The following KCNQ5 variants were observed in gnomAD, a reference collection of about 807,000 sequenced individuals.
The protein encoded by KCNQ5 is potassium voltage-gated channel subfamily Q member 5.
Under a neutral mutation model 98.2 loss-of-function variants are expected in KCNQ5, and 30 were observed. That is an observed-to-expected ratio of 0.31 (90% confidence interval 0.23 to 0.41). The LOEUF (loss-of-function observed/expected upper bound fraction) is 0.41. KCNQ5 is among the 10% of genes least tolerant of loss of function. The pLI, the probability that KCNQ5 is intolerant of heterozygous loss-of-function variation, is 1.00. For synonymous variants in KCNQ5, 458 were observed against 449.4 expected, an observed-to-expected ratio of 1.02 and a Z score of -0.24; for missense variants, 835 against 1,182.5, an observed-to-expected ratio of 0.71 and a Z score of 4.31.
intron 1 of KCNQ5, among the ~76,000 whole-genome samples, chr6:72,666,280 C>A (rs531251758): frequency 2.0e-5 from 3 of 152,160 alleles, no homozygotes; most frequent in Admixed American, 1.3e-4. Flanking sequence ...TTTAAAAAGT[C>A]TCTAAACTTG....
intron 2 of KCNQ5, among the ~76,000 whole-genome samples, chr6:73,035,207 T>G (rs1464963115): frequency 6.6e-6 from 1 of 152,190 alleles, no homozygotes; most frequent in Non-Finnish European, 1.5e-5. Flanking sequence ...AATTCTTCTA[T>G]GTTTTACCAA....
At chr6:73,119,986 C>T (rs1394147093) in intron 7 of KCNQ5, among the ~76,000 whole-genome samples, 1 of 151,810 alleles carries the variant, frequency 6.6e-6, no homozygotes, top group Non-Finnish European at 1.5e-5. Context: ...ACCTGTAATC[C>T]CAGCACTTTG....
intron 1 of KCNQ5, among the ~76,000 whole-genome samples, chr6:72,651,114 T>C (rs1225255453): frequency 6.6e-6 from 1 of 152,138 alleles, no homozygotes; most frequent in Non-Finnish European, 1.5e-5. Flanking sequence ...CTTGTTCTTA[T>C]ATATTTGTTC....
intron 9 of KCNQ5, among the ~76,000 whole-genome samples, chr6:73,125,062 C>CT (rs11375968): frequency 0.73 from 98,669 of 135,626 alleles, 41,106 homozygotes; most frequent in South Asian, 0.95. Flanking sequence ...TACATATAAT[C>CT]TTTTTTTTTG....
chr6:73,170,806 C>G (rs1777986626), intron 11 of KCNQ5, among the ~76,000 whole-genome samples: 2 of 151,802 alleles, frequency 1.3e-5, no homozygotes, highest in South Asian at 2.1e-4. Context: ...TGGTGGCGGG[C>G]ACCTGTAATC....
At chr6:73,043,348 C>T (rs1771805225) in intron 3 of KCNQ5, 3 of 170,560 alleles carry the variant, frequency 1.8e-5, no homozygotes, top group South Asian at 2.9e-4. Context: ...TTGTTTGGCC[C>T]TCACGAATGC....
intron 1 of KCNQ5, among the ~76,000 whole-genome samples, chr6:72,696,859 A>G (rs983686451): frequency 7.2e-5 from 11 of 152,226 alleles, no homozygotes; most frequent in African/African-American, 2.7e-4. Flanking sequence ...AGAAATATAT[A>G]TAGTGATAGT....
At chr6:72,758,913 C>A (rs1772110269) in intron 1 of KCNQ5, among the ~76,000 whole-genome samples, 1 of 151,980 alleles carries the variant, frequency 6.6e-6, no homozygotes, top group Non-Finnish European at 1.5e-5. Context: ...AGGAATAAAG[C>A]CATATTAGGA....
At chr6:72,888,107 G>A (rs1160099254) in intron 1 of KCNQ5, among the ~76,000 whole-genome samples, 1 of 152,162 alleles carries the variant, frequency 6.6e-6, no homozygotes, top group Non-Finnish European at 1.5e-5. Flanking sequence ...AACATTGTCA[G>A]AGATAAAGAC....
Position 73,151,638 on chromosome 6 carries a change from G to C in KCNQ5, c.1468+17997G>C, listed in dbSNP as rs150472919. On this transcript the variant is annotated intron_variant, in intron 10 of 13. Coordinates refer to ENST00000370398, the MANE Select transcript of KCNQ5 (RefSeq NM_019842.4). ...AGTAATATTTTCCACAAGGTAAATT[G>C]CGTCAGGTAACCAATCAGTCCCATT... is the stretch of plus-strand genomic sequence containing the variant. 7.2e-5 allele frequency among the ~76,000 whole-genome samples: 11 copies of C among 152,252 alleles called. No homozygotes were observed. In the East Asian group the frequency reaches 2.1e-3, roughly 29 times the overall value.
chr6:72,977,821 TC>T (rs1768229891), intron 1 of KCNQ5, among the ~76,000 whole-genome samples: 1 of 152,296 alleles, frequency 6.6e-6, no homozygotes, highest in Non-Finnish European at 1.5e-5. Flanking sequence ...TTATGGCCCA[TC>T]TTTCCCGCTA....
intron 1 of KCNQ5, among the ~76,000 whole-genome samples, chr6:72,960,239 A>C (rs1172793691): frequency 2.0e-5 from 3 of 152,230 alleles, no homozygotes; most frequent in Non-Finnish European, 4.4e-5. Context: ...CAGATCTATC[A>C]ATAAGCAACT....
chr6:73,105,431 C>G lies in KCNQ5; in HGVS notation c.1029+64C>G, dbSNP rs1774960908. ...TCTTAGAGACTTATTAGAGTGAGCT[C>G]TCACAAATTCGTATGCTTGGGAACA... On this transcript the variant is annotated intron_variant, in intron 6 of 13. Transcript: ENST00000370398. The G allele has an allele frequency of 3.2e-6, 3 of 928,644 alleles. No individual in the cohort carries two copies. The Admixed American group carries it at 7.2e-5, about 22-fold the overall frequency. The allele number at this position is 928,644 out of a possible 1,614,324, so 57.5% of individuals were successfully genotyped here. A position where few individuals can be genotyped will look rare whatever the true frequency, so the allele number is the denominator to read the frequency against.
chr6:72,895,862 T>C (rs1020548375), intron 1 of KCNQ5, among the ~76,000 whole-genome samples: 3 of 152,010 alleles, frequency 2.0e-5, no homozygotes, highest in African/African-American at 7.2e-5. Context: ...TTATAAAGTA[T>C]TACAGATCAG....
chr6:72,672,536 A>G (rs1767180239), intron 1 of KCNQ5, among the ~76,000 whole-genome samples: 1 of 152,204 alleles, frequency 6.6e-6, no homozygotes, highest in African/African-American at 2.4e-5. Flanking sequence ...AAATAAAAGT[A>G]TATAAGTTTT....
chr6:72,645,666 T>C (rs1765563518), intron 1 of KCNQ5, among the ~76,000 whole-genome samples: 1 of 152,094 alleles, frequency 6.6e-6, no homozygotes, highest in South Asian at 2.1e-4. Flanking sequence ...CCTCACTGGC[T>C]TTGCGCTGGG....
intron 2 of KCNQ5, among the ~76,000 whole-genome samples, chr6:73,005,943 G>T (rs1769793250): frequency 6.6e-6 from 1 of 152,206 alleles, no homozygotes; most frequent in Non-Finnish European, 1.5e-5. Flanking sequence ...GCAGAGCTAA[G>T]ATTCACAGAT....
intron 1 of KCNQ5, among the ~76,000 whole-genome samples, chr6:72,730,143 C>A (rs1770486053): frequency 6.6e-6 from 1 of 152,048 alleles, no homozygotes; most frequent in Non-Finnish European, 1.5e-5. Flanking sequence ...GGTGACAGAG[C>A]AAGACCCTGT....
intron 1 of KCNQ5, among the ~76,000 whole-genome samples, chr6:72,752,276 G>T (rs1268762782): frequency 2.0e-5 from 3 of 152,072 alleles, no homozygotes; most frequent in Non-Finnish European, 1.5e-5. Context: ...CATGCTATGT[G>T]CAAGGAGATA....
Sources: gnomAD v4.1 joint callset for allele counts (sites outside exome capture counted in the v4.1 genomes callset) on GRCh38, gnomAD v4.1.1 for gene constraint, MANE v1.5 for transcripts, NCBI Gene and HGNC (gene_info 2026-07-23, HGNC 2026-07-21) for gene names.